JAK1: variants seen among roughly 807,000 people sequenced by gnomAD.
JAK1 encodes the protein tyrosine-protein kinase JAK1.
JAK1 carries 16 observed loss-of-function variants against 136.6 expected under a neutral mutation model. That is an observed-to-expected ratio of 0.12 (90% CI 0.08 to 0.18). The LOEUF (loss-of-function observed/expected upper bound fraction) is 0.18, where lower values mean the gene tolerates loss of function less well. Among genes scored for constraint, JAK1 ranks in the 10% least tolerant of loss-of-function variants. The probability of loss-of-function intolerance (pLI) is 1.00; values close to 1 mark genes in which losing one functional copy is unlikely to be tolerated. For missense variants in JAK1, 859 were observed against 1,450.1 expected (o/e 0.59, Z 6.62); for synonymous variants, 492 against 519.5 (o/e 0.95, Z 0.72).
chr1:64,837,845 G>C, intron 22 of JAK1, 87 bp downstream of exon 22: 1 of 1,126,894 alleles, frequency 8.9e-7, no homozygotes, highest in South Asian at 1.6e-5. Context: ...AGAGGAATGA[G>C]ACACATTAAT....
At chr1:65,001,767 T>C (rs576740308) in intron 2 of JAK1, among the ~76,000 whole-genome samples, 6 of 148,770 alleles carry the variant, frequency 4.0e-5, no homozygotes, top group Non-Finnish European at 8.9e-5. Flanking sequence ...TGAGTGTGAG[T>C]GTGTGGTATG....
At chr1:64,879,573 T>G (rs917893207) in intron 3 of JAK1, among the ~76,000 whole-genome samples, 2 of 152,208 alleles carry the variant, frequency 1.3e-5, no homozygotes, top group African/African-American at 4.8e-5. Flanking sequence ...CAGAAAGCAC[T>G]TAAACAATTC....
chr1:64,910,720 G>A (rs1385117055), intron 1 of JAK1, among the ~76,000 whole-genome samples: 9 of 151,906 alleles, frequency 5.9e-5, no homozygotes, highest in African/African-American at 1.7e-4. Context: ...TGTAGTCCCA[G>A]CTACTGAGAT....
At chr1:64,834,736 G>GAAA (rs869220260) in intron 24 of JAK1, 79 bp from the exon 25 acceptor site, 1 of 940,724 alleles carries the variant, frequency 1.1e-6, no homozygotes. Flanking sequence ...TCAAGAGTAA[G>GAAA]AAAATAATTT....
At chr1:64,944,323 A>T (rs897555176) in intron 1 of JAK1, among the ~76,000 whole-genome samples, 6 of 152,034 alleles carry the variant, frequency 3.9e-5, no homozygotes, top group Non-Finnish European at 8.8e-5. Context: ...GGAAATTTTT[A>T]AAAAATTATT....
At chr1:65,004,741 A>G (rs1646790059) in intron 2 of JAK1, among the ~76,000 whole-genome samples, 1 of 152,226 alleles carries the variant, frequency 6.6e-6, no homozygotes, top group African/African-American at 2.4e-5. Flanking sequence ...CAATGTGGTT[A>G]TAATAATATA....
intron 13 of JAK1, 105 bp from the exon 14 acceptor site, chr1:64,846,841 C>T (rs1655268531): frequency 1.3e-6 from 1 of 779,002 alleles, no homozygotes; most frequent in Non-Finnish European, 2.2e-6. Context: ...AAGCTCACCA[C>T]TGTCGCCACC....
chr1:65,060,422 C>A (rs190433347), intron 1 of JAK1, among the ~76,000 whole-genome samples: 3 of 152,246 alleles, frequency 2.0e-5, no homozygotes, highest in East Asian at 1.9e-4. Flanking sequence ...TTAGACTGTT[C>A]TTCACCAAAA....
intron 2 of JAK1, among the ~76,000 whole-genome samples, chr1:65,031,049 T>A (rs929314959): frequency 6.8e-6 from 1 of 148,064 alleles, no homozygotes; most frequent in African/African-American, 2.5e-5. Flanking sequence ...AGCTACTCAG[T>A]AGGCTGAGGT....
chr1:65,040,533 C>G (rs1647121719), intron 2 of JAK1, among the ~76,000 whole-genome samples: 1 of 152,176 alleles, frequency 6.6e-6, no homozygotes, highest in South Asian at 2.1e-4. Context: ...AGAATTCCCT[C>G]TGGCATTTAA....
intron 1 of JAK1, among the ~76,000 whole-genome samples, chr1:65,064,773 T>C (rs533477955): frequency 6.6e-6 from 1 of 152,338 alleles, no homozygotes; most frequent in African/African-American, 2.4e-5. Context: ...TGTCTTCAAG[T>C]GCCCTCCTAG....
Position 65,032,374 on chromosome 1 carries a change from G to C in JAK1, c.-78+12106C>G, listed in dbSNP as rs182357853. Among the ~76,000 whole-genome samples, 136 of 152,282 alleles carry C rather than the reference G, an allele frequency of 8.9e-4. 2 individuals are homozygous for C. In the South Asian group the frequency reaches 0.017, roughly 19 times the overall value. On this transcript the variant is annotated intron_variant, in intron 2 of 25. Transcript: ENST00000671954. ...CTATTGGAAATGTAATTACTCTTTT[G>C]TTCTAAGTGCTCATCAGATACTGTC...
chr1:65,044,457 C>T (rs1201562799), intron 2 of JAK1, among the ~76,000 whole-genome samples: 1 of 152,160 alleles, frequency 6.6e-6, no homozygotes. Flanking sequence ...GTTAGTGTGA[C>T]ATTAGGATTA....
chr1:65,011,986 A>G (rs951559130), intron 2 of JAK1, among the ~76,000 whole-genome samples: 1 of 152,116 alleles, frequency 6.6e-6, no homozygotes, highest in Non-Finnish European at 1.5e-5. Context: ...AAGAGAGCAA[A>G]ATAGAGTAGT....
intron 4 of JAK1, among the ~76,000 whole-genome samples, chr1:64,878,591 A>G (rs79038546): frequency 1.6e-5 from 1 of 62,972 alleles, no homozygotes; most frequent in Non-Finnish European, 3.0e-5. Flanking sequence ...ATATATATAT[A>G]TATATATATA....
At chr1:64,931,509 C>A (rs1455300938) in intron 1 of JAK1, among the ~76,000 whole-genome samples, 1 of 151,934 alleles carries the variant, frequency 6.6e-6, no homozygotes, top group Non-Finnish European at 1.5e-5. Flanking sequence ...CAGTAGGACA[C>A]CCAGCATGGT....
intron 10 of JAK1, 82 bp from the exon 11 acceptor site, chr1:64,855,780 GCATGAAGAGTAATTTTGCA>G: frequency 1.8e-6 from 2 of 1,132,544 alleles, no homozygotes; most frequent in Non-Finnish European, 2.5e-6. Context: ...AGGGGAAGCT[GCATGAAGAGTAATTTTGCA>G]CCATCTCTGT....
rs545895121 is a variant in JAK1, at chr1:64,903,048, C to CA, written c.-77-16708dup. On this transcript the variant is annotated intron_variant, in intron 1 of 24. Coordinates refer to ENST00000342505, the MANE Select transcript of JAK1 (RefSeq NM_002227.4). ...AACATGGTTGGTAAGGACAAAGAGACAGAGTTTTGCTCTTGTCACCCAGGC... is the reference window on the plus strand; with the variant it reads ...AACATGGTTGGTAAGGACAAAGAGACAAGAGTTTTGCTCTTGTCACCCAGGC... Among the ~76,000 whole-genome samples the CA allele has an allele frequency of 6.1e-3, 925 of 152,228 alleles. 8 individuals are homozygous for CA. The highest frequency in any genetic ancestry group is 0.015 in the African/African-American group (622 of 41,544).
In JAK1 at chr1:64,966,315, T is replaced by G. The variant is rs968315497; in HGVS notation, c.-78+18A>C. The stretch of plus-strand genomic sequence containing the variant: ...CCGCGGCCGCCCCGGCTCCTCCACC[T>G]CCCCCGGTGACACTCACCACTTCCG... On this transcript the variant is annotated intron_variant, in intron 1 of 24. Transcript: ENST00000342505. 2 of 150,870 alleles carry G rather than the reference T, an allele frequency of 1.3e-5. No individual in the cohort carries two copies. Among genetic ancestry groups the G allele is most frequent in the African/African-American group, 4.9e-5 (2 of 40,698 alleles). 9.3% of individuals were successfully genotyped at this position (150,870 alleles called of 1,614,324 possible).
Sources: allele counts gnomAD v4.1 joint callset (sites outside exome capture counted in the v4.1 genomes callset), GRCh38; gene constraint gnomAD v4.1.1; transcripts MANE v1.5; gene names NCBI Gene and HGNC (gene_info 2026-07-23, HGNC 2026-07-21).